EFR3A: variants seen among roughly 807,000 people sequenced by gnomAD.
The protein encoded by EFR3A is protein EFR3 homolog A.
Under a neutral mutation model 104.4 loss-of-function variants are expected in EFR3A, and 76 were observed. That is an observed-to-expected ratio of 0.73 (90% CI 0.60 to 0.88). The LOEUF (loss-of-function observed/expected upper bound fraction) is 0.88. Among genes scored for constraint, EFR3A ranks in the 40% least tolerant of loss-of-function variants. The probability of loss-of-function intolerance (pLI) is 0.00; values close to 1 mark genes in which losing one functional copy is unlikely to be tolerated. For synonymous variants in EFR3A, 330 were observed against 330.0 expected (o/e 1.00, Z 0.00); for missense variants, 985 against 1,012.5 (o/e 0.97, Z 0.37).
rs934527642 is a variant in EFR3A, at chr8:132,013,142, G to T, written c.*2247G>T. On this transcript the variant is annotated 3_prime_UTR_variant, in exon 23 of 23. Transcript: ENST00000254624. ...TATTTAGGATTTGGTGAAGTTCACTGTATTGCTATATTTTTGTAGATAAAT... is the reference window on the plus strand; with the variant it reads ...TATTTAGGATTTGGTGAAGTTCACTTTATTGCTATATTTTTGTAGATAAAT... 1 of 152,122 alleles carries T rather than the reference G, an allele frequency of 6.6e-6. No homozygotes were observed. The highest frequency in any genetic ancestry group is 1.5e-5 in the Non-Finnish European group (1 of 68,026). 9.4% of individuals were successfully genotyped at this position (152,122 alleles called of 1,614,324 possible).
At position 131,915,745 on chromosome 8, in the gene EFR3A, T is replaced by TA. The variant is rs1454159163; in HGVS notation, c.10+11423_10+11424insA. On this transcript the variant is annotated intron_variant, in intron 1 of 22. Coordinates refer to ENST00000254624, the MANE Select transcript of EFR3A (RefSeq NM_015137.6). The stretch of plus-strand genomic sequence containing the variant: ...GAAATGCTGGATTGGGGAAACTGTT[T>TA]GAGATGAGTTATGCAGGTGGAAATA... Among the ~76,000 whole-genome samples the TA allele has an allele frequency of 2.6e-5, 4 of 152,072 alleles. No homozygotes were observed. The East Asian group carries it at 7.7e-4, about 29-fold the overall frequency.
intron 1 of EFR3A, among the ~76,000 whole-genome samples, chr8:131,915,210 T>C (rs1396863558): frequency 1.3e-5 from 2 of 152,214 alleles, no homozygotes; most frequent in Non-Finnish European, 2.9e-5. Flanking sequence ...CATTAGAATA[T>C]GCCCTCTGAC....
chr8:131,919,002 A>G (rs187976717), intron 1 of EFR3A, among the ~76,000 whole-genome samples: 2 of 152,284 alleles, frequency 1.3e-5, no homozygotes, highest in African/African-American at 2.4e-5. Context: ...CATAATGGTA[A>G]CAAACTAATA....
At chr8:131,907,047 A>C (rs1816293906) in intron 1 of EFR3A, among the ~76,000 whole-genome samples, 1 of 152,200 alleles carries the variant, frequency 6.6e-6, no homozygotes, top group African/African-American at 2.4e-5. Context: ...TTGAACACAG[A>C]ACTGGCCCCT....
chr8:131,959,360 G>T (rs1186765672), intron 7 of EFR3A, among the ~76,000 whole-genome samples: 1 of 152,046 alleles, frequency 6.6e-6, no homozygotes, highest in Non-Finnish European at 1.5e-5. Context: ...ATAAATATTT[G>T]TTGATTAAAT....
intron 1 of EFR3A, among the ~76,000 whole-genome samples, chr8:131,916,684 C>A (rs1816757943): frequency 6.6e-6 from 1 of 152,110 alleles, no homozygotes; most frequent in Non-Finnish European, 1.5e-5. Context: ...ATTTTTTAAA[C>A]AAATACCATT....
chr8:131,982,733 T>C (rs527305576), intron 14 of EFR3A, among the ~76,000 whole-genome samples: 23 of 152,270 alleles, frequency 1.5e-4, no homozygotes, highest in Non-Finnish European at 2.9e-4. Context: ...TGTTTGTTAA[T>C]GATGTTTAGA....
chr8:131,990,925 A>G (rs1206330132), intron 18 of EFR3A, among the ~76,000 whole-genome samples: 2 of 145,992 alleles, frequency 1.4e-5, no homozygotes, highest in African/African-American at 4.9e-5. Context: ...TTTACTTACC[A>G]TTTCATTTGC....
chr8:131,975,079 G>T (rs1820254139), intron 10 of EFR3A, among the ~76,000 whole-genome samples: 1 of 152,146 alleles, frequency 6.6e-6, no homozygotes, highest in East Asian at 1.9e-4. Context: ...TGACCAGGAA[G>T]TAAGTATCAA....
chr8:131,945,267 T>G (rs1481373197), intron 3 of EFR3A, among the ~76,000 whole-genome samples: 1 of 151,976 alleles, frequency 6.6e-6, no homozygotes, highest in African/African-American at 2.4e-5. Context: ...ACAGCTTCAG[T>G]TTTACCTCTC....
intron 5 of EFR3A, among the ~76,000 whole-genome samples, chr8:131,950,627 T>C (rs1049492089): frequency 6.6e-6 from 1 of 152,156 alleles, no homozygotes; most frequent in Non-Finnish European, 1.5e-5. Context: ...TGTTTCTTGC[T>C]CCTCTATGGA....
At chr8:131,935,053 C>T (rs866645174) in intron 1 of EFR3A, among the ~76,000 whole-genome samples, 3 of 152,114 alleles carry the variant, frequency 2.0e-5, no homozygotes, top group Admixed American at 1.3e-4. Context: ...TTTTAAAAAT[C>T]TTCTAATAGA....
Position 131,953,814 on chromosome 8 carries a change from A to G in EFR3A, c.489-4A>G, listed in dbSNP as rs775381772. The stretch of plus-strand genomic sequence containing the variant: ...ATTTTCTTCCTTTTTTTTTTTTTTT[A>G]TAGGATACGAATTGCTGGAATTAGA... On this transcript the variant is annotated splice_polypyrimidine_tract_variant and splice_region_variant and intron_variant, in intron 5 of 22. Coordinates refer to ENST00000254624, the MANE Select transcript of EFR3A (RefSeq NM_015137.6). 3.0e-5 allele frequency: 37 copies of G among 1,231,290 alleles called. No individual in the cohort carries two copies. The highest frequency in any genetic ancestry group is 3.8e-5 in the Non-Finnish European group (37 of 979,700). The allele number at this position is 1,231,290 out of a possible 1,614,324, so 76.3% of individuals were successfully genotyped here.
chr8:131,972,387 A>G (rs554296080), intron 10 of EFR3A, among the ~76,000 whole-genome samples: 212 of 151,440 alleles, frequency 1.4e-3, no homozygotes, highest in African/African-American at 4.7e-3. Context: ...GGATAGTAGT[A>G]TTAGAGACTA....
At chr8:131,936,441 C>T (rs1391516899) in intron 1 of EFR3A, among the ~76,000 whole-genome samples, 1 of 152,038 alleles carries the variant, frequency 6.6e-6, no homozygotes. Flanking sequence ...TGTCACAACC[C>T]ACAGGTTGAG....
At chr8:131,965,732 A>G (rs1338267378) in intron 8 of EFR3A, among the ~76,000 whole-genome samples, 1 of 151,932 alleles carries the variant, frequency 6.6e-6, no homozygotes, top group Non-Finnish European at 1.5e-5. Context: ...AAGGATTGTA[A>G]ATCATGCTGC....
Position 131,904,304 on chromosome 8 carries a change from G to T in EFR3A, c.-9G>T. The stretch of plus-strand genomic sequence containing the variant: ...CCTCGGTGCGGCGGCGAGCGCGGTC[G>T]AGATCGCCATGCCTACCCGTGAGTG... On this transcript the variant is annotated 5_prime_UTR_variant, in exon 1 of 23. Coordinates refer to ENST00000254624, the MANE Select transcript of EFR3A (RefSeq NM_015137.6). 7.9e-7 allele frequency: 1 copy of T among 1,265,412 alleles called. No individual in the cohort carries two copies. The highest frequency in any genetic ancestry group is 1.0e-6 in the Non-Finnish European group (1 of 1,004,608). 78.4% of individuals were successfully genotyped at this position (1,265,412 alleles called of 1,614,324 possible).
chr8:131,991,406 AT>A (rs1289034755), intron 18 of EFR3A, among the ~76,000 whole-genome samples: 1 of 152,112 alleles, frequency 6.6e-6, no homozygotes, highest in Non-Finnish European at 1.5e-5. Context: ...GAAACTCTCT[AT>A]AAGTAGTTTT....
At position 131,959,672 on chromosome 8, in the gene EFR3A, T is replaced by C. The variant is rs1819205647; in HGVS notation, c.855+9T>C. The stretch of plus-strand genomic sequence containing the variant: ...TAATGTATTCCATTCAGGTAAGGTT[T>C]GATTAACTATTTACTGTATTTATAT... On this transcript the variant is annotated intron_variant, in intron 8 of 22. Transcript: ENST00000254624. 1 of 1,595,724 alleles carries C rather than the reference T, an allele frequency of 6.3e-7. No homozygotes were observed. The highest frequency in any genetic ancestry group is 1.1e-5 in the South Asian group (1 of 88,304).
Sources: allele counts gnomAD v4.1 joint callset (sites outside exome capture counted in the v4.1 genomes callset), GRCh38; gene constraint gnomAD v4.1.1; transcripts MANE v1.5; gene names NCBI Gene and HGNC (gene_info 2026-07-23, HGNC 2026-07-21).